Variants in AGAP3 observed in about 807,000 individuals in gnomAD.
The protein encoded by AGAP3 is ArfGAP with GTPase domain, ankyrin repeat and PH domain 3, also known as arf-GAP with GTPase, ANK repeat and PH domain-containing protein 3.
AGAP3 carries 24 observed loss-of-function variants against 96.9 expected under a neutral mutation model. The observed-to-expected ratio is 0.25, with a 90% CI of 0.18 to 0.35. The LOEUF (loss-of-function observed/expected upper bound fraction) is 0.35. Ranked by LOEUF, AGAP3 falls within the 10% of genes least tolerant of loss-of-function variation. The probability of loss-of-function intolerance (pLI) is 1.00; values close to 1 mark genes in which losing one functional copy is unlikely to be tolerated. For missense variants in AGAP3, 876 were observed against 1,254.2 expected (o/e 0.70, Z 4.55); for synonymous variants, 563 against 536.1 (o/e 1.05, Z -0.69).
chr7:151,140,076 C>T lies in AGAP3; in HGVS notation c.1764C>T (p.Thr588=), dbSNP rs750756088. 95 of 1,604,796 alleles carry T rather than the reference C, an allele frequency of 5.9e-5. 1 individual carries two copies. Among genetic ancestry groups the T allele is most frequent in the East Asian group, 5.0e-4 (22 of 43,894 alleles). Residue 588 remains threonine (T), a synonymous_variant, in exon 13 of 18, where the codon ACC becomes ACT. Transcript: ENST00000397238. This position sits in a 1 kb window ranked among gnomAD's most constrained non-coding sequence, Gnocchi z 5.4. The part of the protein sequence containing the change: ...NRKKHRRKKS[T]GTPRPDGPSS... ...AGAAGCACCGGAGGAAAAAGAGCACCGGGACCCCCCGACCAGACGGCCCCA... is the reference window on the plus strand; with the variant it reads ...AGAAGCACCGGAGGAAAAAGAGCACTGGGACCCCCCGACCAGACGGCCCCA...
At chr7:151,123,255 T>A in intron 8 of AGAP3, 4 of 1,057,464 alleles carry the variant, frequency 3.8e-6, no homozygotes, top group African/African-American at 1.7e-5. Flanking sequence ...TTTCCTAGGA[T>A]CCGCATTCGG....
At chr7:151,105,792 C>CCACACA (rs60071807) in intron 1 of AGAP3, among the ~76,000 whole-genome samples, 2,154 of 26,820 alleles carry the variant, frequency 0.08, 151 homozygotes, top group African/African-American at 0.1. Context: ...CCCCCCGACA[C>CCACACA]CACACACACA....
At chr7:151,127,135 T>G (rs1195709383) in intron 9 of AGAP3, among the ~76,000 whole-genome samples, 1 of 152,214 alleles carries the variant, frequency 6.6e-6, no homozygotes, top group Non-Finnish European at 1.5e-5. Flanking sequence ...GGCATCCATC[T>G]AGGAGTTAGC....
chr7:151,118,326 G>C lies in AGAP3; in HGVS notation c.823G>C (p.Glu275Gln). The change falls in exon 6 of 18, where the codon GAG (glutamate) becomes CAG (glutamine). Residue 275 changes from glutamate to glutamine, a missense_variant. Glu to Gln is a conservative substitution (Grantham distance 29). Coordinates refer to ENST00000397238, the MANE Select transcript of AGAP3 (RefSeq NM_031946.7). The surrounding 1 kb of genome is among the most constrained non-coding windows in gnomAD (Gnocchi z 6.1). The stretch of plus-strand genomic sequence containing the variant: ...GTGCGCGACCTACGGGCTCAATGTG[G>C]AGCGTGTCTTCCAGGACGGTAACTC... ...ETCATYGLNV[E>Q]RVFQDVAQKV... 1 of 1,612,314 alleles carries C rather than the reference G, an allele frequency of 6.2e-7. No individual in the cohort carries two copies. Among genetic ancestry groups the C allele is most frequent in the East Asian group, 2.2e-5 (1 of 44,786 alleles).
At chr7:151,092,739 G>A (rs1444137588) in intron 1 of AGAP3, among the ~76,000 whole-genome samples, 2 of 152,106 alleles carry the variant, frequency 1.3e-5, no homozygotes, top group Admixed American at 6.5e-5. Flanking sequence ...CTGAAGCCAC[G>A]CAGTGAGGGG....
In AGAP3 at chr7:151,114,858, G is replaced by C; in HGVS notation, c.332-1935G>C. 1 of 1,036,430 alleles carries C rather than the reference G, an allele frequency of 9.6e-7. No individual in the cohort carries two copies. The allele number at this position is 1,036,430 out of a possible 1,614,324, so 64.2% of individuals were successfully genotyped here. A position where few individuals can be genotyped will look rare whatever the true frequency, so the allele number is the denominator to read the frequency against. On this transcript the variant is annotated intron_variant, in intron 1 of 17. Coordinates refer to ENST00000397238, the MANE Select transcript of AGAP3 (RefSeq NM_031946.7). This position sits in a 1 kb window ranked among gnomAD's most constrained non-coding sequence, Gnocchi z 4.4. ...CGCCCACAGCGTCTGCGACTCGCTG[G>C]ACCTGCACGGCGCCTCGGCCGGCCG...
chr7:151,138,301 A>G lies in AGAP3; in HGVS notation c.1654A>G (p.Met552Val), dbSNP rs758585736. The change falls in exon 12 of 18, where the codon ATG becomes GTG. Residue 552 changes from methionine (M) to valine (V), a missense_variant. Transcript: ENST00000397238. ...GGCCACCACTTCCCTGCCCCCAGGC[A>G]TGCAGCACCCTGGTGAGTGGTGGCT... ...SEATTSLPPG[M>V]QHPASGPAEV... The G allele has an allele frequency of 4.1e-5, 66 of 1,611,744 alleles. No individual in the cohort carries two copies. In the Middle Eastern group the frequency reaches 1.5e-3, roughly 36 times the overall value.
chr7:151,086,682 G>GCCGCCGCCT lies in AGAP3; in HGVS notation c.-52_-51insTCCGCCGCC, dbSNP rs1554458940. 5 of 216,516 alleles carry GCCGCCGCCT rather than the reference G, an allele frequency of 2.3e-5. No individual in the cohort carries two copies. Among genetic ancestry groups the GCCGCCGCCT allele is most frequent in the Admixed American group, 1.4e-4 (2 of 14,716 alleles). 13.4% of individuals were successfully genotyped at this position (216,516 alleles called of 1,614,324 possible). ...CCCGCTCGCCGCTGCCGCCGCCGCC[G>GCCGCCGCCT]CCGCCGCCGCCTCCGCCGCGCCGCC... On this transcript the variant is annotated 5_prime_UTR_variant, in exon 1 of 18. Transcript: ENST00000397238.
rs1351181424 is a variant in AGAP3 at position 151,118,977 on chromosome 7, TGCCAATGACC to T, written c.969+347_969+356del. Among the ~76,000 whole-genome samples, 1 of 152,236 alleles carries T rather than the reference TGCCAATGACC, an allele frequency of 6.6e-6. No homozygotes were observed. Among genetic ancestry groups the T allele is most frequent in the Non-Finnish European group, 1.5e-5 (1 of 68,030 alleles). On this transcript the variant is annotated intron_variant, in intron 7 of 17. Transcript: ENST00000397238. The surrounding 1 kb of genome is among the most constrained non-coding windows in gnomAD (Gnocchi z 6.1). Reference sequence around the variant, plus strand: ...GGCAGCAGCCACTGCACTTTACCTCTGCCAATGACCGTCATCTCTCCAAGGCCTGCCCTGG... The same window carrying T: ...GGCAGCAGCCACTGCACTTTACCTCTGTCATCTCTCCAAGGCCTGCCCTGG...
Position 151,116,899 on chromosome 7 carries a change from G to A in AGAP3, c.390+48G>A, listed in dbSNP as rs764429635. ...ACCGGCGGCCTGGAGCTGGGGGGGC[G>A]AGGCTGGGTGCCGCGGGCCTGGGCC... On this transcript the variant is annotated intron_variant, in intron 2 of 17. Coordinates refer to ENST00000397238, the MANE Select transcript of AGAP3 (RefSeq NM_031946.7). 15 of 1,566,696 alleles carry A rather than the reference G, an allele frequency of 9.6e-6. No homozygotes were observed. The African/African-American group carries it at 1.1e-4, about 11-fold the overall frequency.
intron 8 of AGAP3, among the ~76,000 whole-genome samples, chr7:151,122,190 T>C (rs1407884020): frequency 2.6e-5 from 4 of 152,198 alleles, no homozygotes; most frequent in African/African-American, 4.8e-5. Flanking sequence ...ACCTTCCTCC[T>C]CCCTGGGCCA....
chr7:151,107,924 C>G (rs752464523), intron 1 of AGAP3, among the ~76,000 whole-genome samples: 32 of 152,366 alleles, frequency 2.1e-4, no homozygotes, highest in Non-Finnish European at 3.8e-4. Context: ...GTGGTGGTGG[C>G]CCACCTCCTG....
At position 151,117,154 on chromosome 7, in the gene AGAP3, G is replaced by T; in HGVS notation, c.450G>T (p.Gly150=). The part of the protein sequence containing the change: ...KSALVHRYLT[G]TYVQEESPEG... ...CCCTGGTGCACCGCTATCTGACGGG[G>T]ACCTATGTCCAGGAGGAGTCCCCTG... Residue 150 remains glycine, a synonymous_variant, in exon 3 of 18, where the codon GGG becomes GGT. Transcript: ENST00000397238. 1 of 1,614,076 alleles carries T rather than the reference G, an allele frequency of 6.2e-7. No homozygotes were observed. The highest frequency in any genetic ancestry group is 8.5e-7 in the Non-Finnish European group (1 of 1,179,942).
At chr7:151,102,007 G>A (rs1339761710) in intron 1 of AGAP3, among the ~76,000 whole-genome samples, 8 of 152,190 alleles carry the variant, frequency 5.3e-5, no homozygotes, top group African/African-American at 1.9e-4. Flanking sequence ...TTGAGCAAGG[G>A]TAAAATAAAG....
At chr7:151,115,565 G>A (rs186779875) in intron 1 of AGAP3, 15,740 of 1,136,816 alleles carry the variant, frequency 0.014, 465 homozygotes, top group East Asian at 0.13. Context: ...GCTTCCGCCG[G>A]AGGGAGCCCG....
intron 1 of AGAP3, among the ~76,000 whole-genome samples, chr7:151,101,146 G>T: frequency 6.6e-6 from 1 of 152,344 alleles, no homozygotes; most frequent in East Asian, 1.9e-4. Flanking sequence ...AGCCATCCCC[G>T]GGTCCCCAGC....
At chr7:151,116,879 C>T (rs749300889) in intron 2 of AGAP3, 28 bp downstream of exon 2, 63 of 1,606,916 alleles carry the variant, frequency 3.9e-5, no homozygotes, top group South Asian at 5.5e-5. Context: ...GCAGCACCGG[C>T]GGCCTGGAGC....
At position 151,119,927 on chromosome 7, in the gene AGAP3, G is replaced by A. The variant is rs948791088; in HGVS notation, c.970-60G>A. 2.7e-5 allele frequency: 42 copies of A among 1,575,086 alleles called. 1 individual carries two copies. The highest frequency in any genetic ancestry group is 1.9e-4 in the South Asian group (17 of 87,980). ...ATTAGCACAGGGATTCCCGGCACCC[G>A]CCTGGTGCCCGTCCCGCCCCTGACC... On this transcript the variant is annotated intron_variant, in intron 7 of 17. Transcript: ENST00000397238.
intron 1 of AGAP3, among the ~76,000 whole-genome samples, chr7:151,112,908 AT>A (rs1799357490): frequency 6.7e-6 from 1 of 149,398 alleles, no homozygotes; most frequent in South Asian, 2.1e-4. Context: ...AATTTTTTGT[AT>A]TTTTAGTAGA....
Sources: gnomAD v4.1 joint callset for allele counts (sites outside exome capture counted in the v4.1 genomes callset) on GRCh38, gnomAD v4.1.1 for gene constraint, Gnocchi (gnomAD v3.1) non-coding constraint, MANE v1.5 for transcripts, NCBI Gene and HGNC (gene_info 2026-07-23, HGNC 2026-07-21) for gene names.